The following ZBTB17 variants were observed in gnomAD, a reference collection of about 807,000 sequenced individuals.
The protein encoded by ZBTB17 is zinc finger and BTB domain-containing protein 17.
In ZBTB17, 24 loss-of-function variants were observed where a neutral mutation model predicts 85.1. The ratio of observed to expected loss-of-function variants is 0.28; its 90% CI spans 0.20 to 0.40. ZBTB17 has a LOEUF of 0.40. ZBTB17 is among the 10% of genes least tolerant of loss of function. The pLI, the probability that ZBTB17 is intolerant of heterozygous loss-of-function variation, is 1.00. For missense variants in ZBTB17, 743 were observed against 1,105.1 expected (o/e 0.67, Z 4.65); for synonymous variants, 464 against 460.2 (o/e 1.01, Z -0.11).
chr1:15,950,116 A>T (rs1326031832), intron 2 of ZBTB17, among the ~76,000 whole-genome samples: 7 of 152,200 alleles, frequency 4.6e-5, no homozygotes, highest in African/African-American at 1.7e-4. Flanking sequence ...CGAAATCAGG[A>T]GGTAAGGCCC....
intron 2 of ZBTB17, among the ~76,000 whole-genome samples, chr1:15,972,062 C>A (rs1033349420): frequency 1.3e-5 from 2 of 152,112 alleles, no homozygotes; most frequent in Non-Finnish European, 2.9e-5. Flanking sequence ...AACATCTTCA[C>A]CCCCTCAGGA....
In ZBTB17 at chr1:15,976,039, G is replaced by A. The variant is rs182641897; in HGVS notation, c.-146C>T. ...GGTGCATCACGGCCGCGAGAAGGCC[G>A]GGGACGGCACTCCAGAGCAGACAAA... On this transcript the variant is annotated 5_prime_UTR_variant, in exon 1 of 16. Transcript: ENST00000375743. 1,086 of 695,306 alleles carry A rather than the reference G, an allele frequency of 1.6e-3. 17 individuals carry two copies. In the African/African-American group the frequency reaches 0.018, roughly 11 times the overall value. The allele number at this position is 695,306 out of a possible 1,614,324, so 43.1% of individuals were successfully genotyped here.
intron 9 of ZBTB17, 155 bp from the exon 10 acceptor site, chr1:15,944,050 G>A: frequency 1.0e-6 from 1 of 968,786 alleles, no homozygotes; most frequent in East Asian, 2.6e-5. Context: ...CCAGGTCCCA[G>A]CGGTGAGAGG....
chr1:15,951,830 C>G lies in ZBTB17; in HGVS notation c.-2-3333G>C, dbSNP rs1455762496. On this transcript the variant is annotated intron_variant, in intron 2 of 15. Coordinates refer to ENST00000375743, the MANE Select transcript of ZBTB17 (RefSeq NM_003443.3). This position sits in a 1 kb window ranked among gnomAD's most constrained non-coding sequence, Gnocchi z 4.1. Reference sequence around the variant, plus strand: ...GGGTGTGCAGGTCCTAGGAACATATCCCCTCCTAAGTACGTGCTAGGAGGT... The same window carrying G: ...GGGTGTGCAGGTCCTAGGAACATATGCCCTCCTAAGTACGTGCTAGGAGGT... Among the ~76,000 whole-genome samples the G allele has an allele frequency of 6.6e-6, 1 of 152,086 alleles. No individual in the cohort carries two copies. Among genetic ancestry groups the G allele is most frequent in the African/African-American group, 2.4e-5 (1 of 41,404 alleles).
chr1:15,947,620 C>T (rs1283960470), intron 3 of ZBTB17, among the ~76,000 whole-genome samples: 11 of 152,146 alleles, frequency 7.2e-5, no homozygotes, highest in Admixed American at 6.5e-4. Flanking sequence ...GCATTGAGGA[C>T]GGATGTTGTG....
Position 15,952,084 on chromosome 1 carries a change from T to C in ZBTB17, c.-2-3587A>G, listed in dbSNP as rs375734621. Among the ~76,000 whole-genome samples the C allele has an allele frequency of 9.2e-5, 14 of 152,316 alleles. No individual in the cohort carries two copies. Among genetic ancestry groups the C allele is most frequent in the South Asian group, 8.3e-4 (4 of 4,824 alleles). ...AAATATGTGCACTAGTTAAAGCAACTTCTAAGGAAGATCCTAAAACCTTAG... is the reference window on the plus strand; with the variant it reads ...AAATATGTGCACTAGTTAAAGCAACCTCTAAGGAAGATCCTAAAACCTTAG... On this transcript the variant is annotated intron_variant, in intron 2 of 15. Coordinates refer to ENST00000375743, the MANE Select transcript of ZBTB17 (RefSeq NM_003443.3). The surrounding 1 kb of genome is among the most constrained non-coding windows in gnomAD (Gnocchi z 4.3).
At chr1:15,946,063 G>C (rs1347931065) in intron 5 of ZBTB17, 91 bp downstream of exon 5, 1 of 1,591,888 alleles carries the variant, frequency 6.3e-7, no homozygotes. Flanking sequence ...AGGTGCCCGT[G>C]CTACCTGCCC....
chr1:15,967,309 G>A (rs866131300), intron 2 of ZBTB17, among the ~76,000 whole-genome samples: 1 of 151,908 alleles, frequency 6.6e-6, no homozygotes, highest in Admixed American at 6.6e-5. Flanking sequence ...CAGGGAGGTC[G>A]AGGCTGCAGT....
intron 2 of ZBTB17, among the ~76,000 whole-genome samples, chr1:15,949,368 C>T (rs527396425): frequency 3.3e-5 from 5 of 152,354 alleles, no homozygotes; most frequent in East Asian, 1.9e-4. Flanking sequence ...CCAGAGTGGG[C>T]GTCAACATCA....
At chr1:15,959,622 G>A (rs2072183908) in intron 2 of ZBTB17, among the ~76,000 whole-genome samples, 3 of 145,866 alleles carry the variant, frequency 2.1e-5, no homozygotes, top group Admixed American at 6.8e-5. Context: ...AAGGAGGGAG[G>A]AGAGGGAGGA....
chr1:15,948,400 A>T lies in ZBTB17; in HGVS notation c.96T>A (p.Gly32=). The change falls in exon 3 of 16, where the codon GGT becomes GGA. Residue 32 remains glycine (G), a synonymous_variant. Transcript: ENST00000375743. Reference sequence around the variant, plus strand: ...CTGCTTTATGAGCCTTAAAGTGAACACCGTCCACCACAAAGGTGCAGTCAC... The same window carrying T: ...CTGCTTTATGAGCCTTAAAGTGAACTCCGTCCACCACAAAGGTGCAGTCAC... ...LLCDCTFVVD[G]VHFKAHKAVL... 6.2e-7 allele frequency: 1 copy of T among 1,613,988 alleles called. No homozygotes were observed. Among genetic ancestry groups the T allele is most frequent in the Non-Finnish European group, 8.5e-7 (1 of 1,180,032 alleles).
At chr1:15,958,744 C>T (rs1055600498) in intron 2 of ZBTB17, among the ~76,000 whole-genome samples, 1 of 152,152 alleles carries the variant, frequency 6.6e-6, no homozygotes, top group African/African-American at 2.4e-5. Context: ...CGTGACCACA[C>T]CTAAAGACAG....
At position 15,966,764 on chromosome 1, in the gene ZBTB17, A is replaced by T. The variant is rs920539525; in HGVS notation, c.-3+6275T>A. ...AATGAGCCACAGTACTTACTCTCTG[A>T]CCTCTATTATTTCAACCATTTAAAA... On this transcript the variant is annotated intron_variant, in intron 2 of 15. Coordinates refer to ENST00000375743, the MANE Select transcript of ZBTB17 (RefSeq NM_003443.3). The surrounding 1 kb of genome is among the most constrained non-coding windows in gnomAD (Gnocchi z 4.1). Among the ~76,000 whole-genome samples the T allele has an allele frequency of 6.6e-6, 1 of 151,868 alleles. No individual in the cohort carries two copies. The highest frequency in any genetic ancestry group is 6.6e-5 in the Admixed American group (1 of 15,250).
In ZBTB17 at chr1:15,943,294, G is replaced by C. The variant is rs1165468027; in HGVS notation, c.1698-100C>G. 2.5e-6 allele frequency: 4 copies of C among 1,597,352 alleles called. No individual in the cohort carries two copies. The Admixed American group carries it at 6.7e-5, about 27-fold the overall frequency. ...AGGACCCCTAGGACCAGAGCCTGGG[G>C]CGTGGGCAGCAGTCAGCTCAGTCCC... On this transcript the variant is annotated intron_variant, in intron 12 of 15. Transcript: ENST00000375743.
intron 2 of ZBTB17, among the ~76,000 whole-genome samples, chr1:15,969,395 C>CA (rs1322171216): frequency 2.0e-5 from 3 of 152,060 alleles, no homozygotes; most frequent in African/African-American, 7.2e-5. Context: ...TCCCACCCCC[C>CA]ACCCCTCAGC....
At position 15,965,755 on chromosome 1, in the gene ZBTB17, C is replaced by T. The variant is rs60614030; in HGVS notation, c.-3+7284G>A. Among the ~76,000 whole-genome samples, 1,022 of 152,246 alleles carry T rather than the reference C, an allele frequency of 6.7e-3. 21 individuals are homozygous for T. The highest frequency in any genetic ancestry group is 0.023 in the African/African-American group (963 of 41,534). On this transcript the variant is annotated intron_variant, in intron 2 of 15. Coordinates refer to ENST00000375743, the MANE Select transcript of ZBTB17 (RefSeq NM_003443.3). Reference sequence around the variant, plus strand: ...GAAAATGAAATACCACTCTATGCAACGTGGATTAATGTCAAGGCACTGAAG... The same window carrying T: ...GAAAATGAAATACCACTCTATGCAATGTGGATTAATGTCAAGGCACTGAAG...
chr1:15,972,761 A>G (rs1313157096), intron 2 of ZBTB17, among the ~76,000 whole-genome samples: 1 of 152,204 alleles, frequency 6.6e-6, no homozygotes, highest in African/African-American at 2.4e-5. Flanking sequence ...CCAGAATGTT[A>G]AGGAGCAAGG....
At chr1:15,972,239 A>C (rs1219061910) in intron 2 of ZBTB17, among the ~76,000 whole-genome samples, 1 of 152,170 alleles carries the variant, frequency 6.6e-6, no homozygotes, top group African/African-American at 2.4e-5. Context: ...AATGCCTGAC[A>C]CATGTTGGGC....
intron 2 of ZBTB17, among the ~76,000 whole-genome samples, chr1:15,959,886 G>C (rs552775958): frequency 2.6e-5 from 4 of 152,286 alleles, no homozygotes; most frequent in Admixed American, 6.5e-5. Flanking sequence ...TTTTCTACAA[G>C]ACCTAGTGAC....
Sources: gnomAD v4.1 joint callset for allele counts (sites outside exome capture counted in the v4.1 genomes callset) on GRCh38, gnomAD v4.1.1 for gene constraint, Gnocchi (gnomAD v3.1) non-coding constraint, MANE v1.5 for transcripts, NCBI Gene and HGNC (gene_info 2026-07-23, HGNC 2026-07-21) for gene names.